ZDHHC14: variants seen among roughly 807,000 people sequenced by gnomAD.
The protein encoded by ZDHHC14 is zDHHC palmitoyltransferase 14.
Under a neutral mutation model 47.7 loss-of-function variants are expected in ZDHHC14, and 16 were observed. The observed-to-expected ratio is 0.34, with a 90% CI of 0.23 to 0.51. The LOEUF (loss-of-function observed/expected upper bound fraction) is 0.51, where lower values mean the gene tolerates loss of function less well. Among genes scored for constraint, ZDHHC14 ranks in the 20% least tolerant of loss-of-function variants. The probability of loss-of-function intolerance (pLI) is 0.97; values close to 1 mark genes in which losing one functional copy is unlikely to be tolerated. For synonymous variants in ZDHHC14, 293 were observed against 278.9 expected (o/e 1.05, Z -0.50); for missense variants, 515 against 662.5 (o/e 0.78, Z 2.44).
chr6:157,496,014 T>A (rs1294899167), intron 1 of ZDHHC14, among the ~76,000 whole-genome samples: 1 of 152,178 alleles, frequency 6.6e-6, no homozygotes, highest in Non-Finnish European at 1.5e-5. Flanking sequence ...CTTGGGTTGA[T>A]GATTATATTT....
At chr6:157,508,608 A>G (rs1324313719) in intron 1 of ZDHHC14, among the ~76,000 whole-genome samples, 1 of 152,150 alleles carries the variant, frequency 6.6e-6, no homozygotes, top group Non-Finnish European at 1.5e-5. Flanking sequence ...CCTGGGCTCA[A>G]GCAATCAGAT....
intron 1 of ZDHHC14, among the ~76,000 whole-genome samples, chr6:157,521,594 C>G (rs538623933): frequency 6.6e-6 from 1 of 152,322 alleles, no homozygotes; most frequent in East Asian, 1.9e-4. Context: ...TCTTTGGGGC[C>G]TCTTTTACAA....
Position 157,580,084 on chromosome 6 carries a change from T to A in ZDHHC14, c.407-12904T>A, listed in dbSNP as rs188352605. Among the ~76,000 whole-genome samples, 804 of 152,248 alleles carry A rather than the reference T, an allele frequency of 5.3e-3. 4 individuals are homozygous for A. Among genetic ancestry groups the A allele is most frequent in the Non-Finnish European group, 8.2e-3 (560 of 68,004 alleles). On this transcript the variant is annotated intron_variant, in intron 2 of 8. Coordinates refer to ENST00000359775, the MANE Select transcript of ZDHHC14 (RefSeq NM_024630.3). ...CCTTCAATGCCTAGTTTATTGAGGG[T>A]TTTTAACAGGAAGAGATGTTGAATT...
At chr6:157,423,677 C>T (rs1177634183) in intron 1 of ZDHHC14, among the ~76,000 whole-genome samples, 4 of 152,094 alleles carry the variant, frequency 2.6e-5, no homozygotes, top group Admixed American at 6.5e-5. Flanking sequence ...TGACATAAGA[C>T]GGTGGCAAAA....
chr6:157,418,647 G>A (rs917101545), intron 1 of ZDHHC14, among the ~76,000 whole-genome samples: 3 of 152,144 alleles, frequency 2.0e-5, no homozygotes, highest in African/African-American at 7.2e-5. Flanking sequence ...TCAAGACTTC[G>A]AGTGTGCCAT....
chr6:157,654,583 G>T (rs949845591), intron 8 of ZDHHC14, among the ~76,000 whole-genome samples: 3 of 152,010 alleles, frequency 2.0e-5, no homozygotes, highest in African/African-American at 7.2e-5. Context: ...CAGGGTGGAA[G>T]TTGGCAGCCT....
chr6:157,577,827 A>T (rs1340915281), intron 2 of ZDHHC14, among the ~76,000 whole-genome samples: 5 of 152,262 alleles, frequency 3.3e-5, no homozygotes, highest in African/African-American at 1.2e-4. Context: ...CTGGGATTAC[A>T]GGCGTGAGCC....
chr6:157,529,654 C>T (rs1015190589), intron 1 of ZDHHC14, among the ~76,000 whole-genome samples: 7 of 152,198 alleles, frequency 4.6e-5, no homozygotes, highest in South Asian at 2.1e-4. Context: ...GGCACCTTCA[C>T]GCAGAATAGT....
At chr6:157,566,823 C>T (rs1450814710) in intron 2 of ZDHHC14, among the ~76,000 whole-genome samples, 1 of 150,800 alleles carries the variant, frequency 6.6e-6, no homozygotes, top group Non-Finnish European at 1.5e-5. Context: ...CCAATGACCA[C>T]AACCAAGGAG....
chr6:157,597,268 C>T (rs1784169408), intron 3 of ZDHHC14, among the ~76,000 whole-genome samples: 1 of 152,170 alleles, frequency 6.6e-6, no homozygotes, highest in South Asian at 2.1e-4. Flanking sequence ...AGAGGCAAAG[C>T]ATGGGCCTGT....
chr6:157,396,102 C>T (rs775020580), intron 1 of ZDHHC14, among the ~76,000 whole-genome samples: 4 of 152,064 alleles, frequency 2.6e-5, no homozygotes, highest in Admixed American at 1.3e-4. Flanking sequence ...AAACACAACT[C>T]TCATAGGGAC....
At chr6:157,608,839 G>A (rs967706868) in intron 3 of ZDHHC14, among the ~76,000 whole-genome samples, 8 of 152,314 alleles carry the variant, frequency 5.3e-5, no homozygotes, top group Admixed American at 3.9e-4. Flanking sequence ...ACGAGAGGGG[G>A]GGCTGTCCCC....
At chr6:157,449,691 A>G (rs1384898711) in intron 1 of ZDHHC14, among the ~76,000 whole-genome samples, 2 of 151,968 alleles carry the variant, frequency 1.3e-5, no homozygotes. Context: ...CATTGTTTTT[A>G]TGTTTATTGT....
At position 157,502,052 on chromosome 6, in the gene ZDHHC14, C is replaced by T. The variant is rs1404359027; in HGVS notation, c.246-40533C>T. On this transcript the variant is annotated intron_variant, in intron 1 of 8. Coordinates refer to ENST00000359775, the MANE Select transcript of ZDHHC14 (RefSeq NM_024630.3). The surrounding 1 kb of genome is among the most constrained non-coding windows in gnomAD (Gnocchi z 4.0). Reference sequence around the variant, plus strand: ...GTACGGAGCACTTATGATGTATTCTCATAATCCACCCAACAGTCTTGAAGT... The same window carrying T: ...GTACGGAGCACTTATGATGTATTCTTATAATCCACCCAACAGTCTTGAAGT... Among the ~76,000 whole-genome samples, 3 of 152,160 alleles carry T rather than the reference C, an allele frequency of 2.0e-5. No homozygotes were observed. Among genetic ancestry groups the T allele is most frequent in the Admixed American group, 1.3e-4 (2 of 15,278 alleles).
At chr6:157,542,819 G>T in intron 2 of ZDHHC14, 74 bp downstream of exon 2, 1 of 1,533,624 alleles carries the variant, frequency 6.5e-7, no homozygotes, top group Admixed American at 2.0e-5. Context: ...ACGGCAGGCC[G>T]AGGGCTGTGC....
chr6:157,581,448 A>C (rs771907524), intron 2 of ZDHHC14, among the ~76,000 whole-genome samples: 3 of 152,108 alleles, frequency 2.0e-5, no homozygotes, highest in Non-Finnish European at 2.9e-5. Flanking sequence ...CATTTGGTCC[A>C]GTATTGAATT....
intron 3 of ZDHHC14, among the ~76,000 whole-genome samples, chr6:157,593,360 A>G (rs1014374649): frequency 6.6e-6 from 1 of 152,110 alleles, no homozygotes; most frequent in Non-Finnish European, 1.5e-5. Context: ...GGCCTCCCCC[A>G]GCACAGGCAC....
chr6:157,517,289 C>G (rs887034500), intron 1 of ZDHHC14, among the ~76,000 whole-genome samples: 2 of 151,340 alleles, frequency 1.3e-5, no homozygotes, highest in African/African-American at 4.9e-5. Context: ...GACACAGTAC[C>G]CCCACTAAAA....
intron 8 of ZDHHC14, among the ~76,000 whole-genome samples, chr6:157,667,866 G>A (rs767737548): frequency 2.0e-5 from 3 of 152,158 alleles, no homozygotes; most frequent in Admixed American, 6.5e-5. Context: ...AACAGGCGAC[G>A]TTTTGAGAGC....
Sources: gnomAD v4.1 joint callset for allele counts (sites outside exome capture counted in the v4.1 genomes callset) on GRCh38, gnomAD v4.1.1 for gene constraint, Gnocchi (gnomAD v3.1) non-coding constraint, MANE v1.5 for transcripts, NCBI Gene and HGNC (gene_info 2026-07-23, HGNC 2026-07-21) for gene names.